The following PCCA variants were observed in gnomAD, a reference collection of about 807,000 sequenced individuals.
PCCA encodes propionyl-CoA carboxylase subunit alpha.
In PCCA, 74 loss-of-function variants were observed where a neutral mutation model predicts 101.3. The ratio of observed to expected loss-of-function variants is 0.73; its 90% CI spans 0.61 to 0.89. The LOEUF is 0.89. Among genes scored for constraint, PCCA ranks in the 40% least tolerant of loss-of-function variants. PCCA has a pLI of 0.00. For synonymous variants in PCCA, 294 were observed against 313.6 expected (o/e 0.94, Z 0.66); for missense variants, 891 against 907.0 (o/e 0.98, Z 0.23).
chr13:100,418,011 C>T (rs373286213), intron 19 of PCCA, among the ~76,000 whole-genome samples: 60 of 152,290 alleles, frequency 3.9e-4, no homozygotes, highest in African/African-American at 1.3e-3. Flanking sequence ...TCTCCCTGCA[C>T]GTGAAGACCA....
intron 19 of PCCA, among the ~76,000 whole-genome samples, chr13:100,380,044 C>G (rs938228765): frequency 4.6e-5 from 7 of 152,016 alleles, no homozygotes; most frequent in African/African-American, 1.7e-4. Flanking sequence ...CACACACACA[C>G]ACACACACAG....
rs2053984232 is a variant in PCCA at position 100,157,320 on chromosome 13, A to G, written c.448A>G (p.Lys150Glu). 6.2e-7 allele frequency: 1 copy of G among 1,611,528 alleles called. No individual in the cohort carries two copies. The highest frequency in any genetic ancestry group is 8.5e-7 in the Non-Finnish European group (1 of 1,177,836). Residue 150 changes from lysine to glutamate, a missense_variant, in exon 6 of 24, where the codon AAA becomes GAA. Transcript: ENST00000376285. Reference sequence around the variant, plus strand: ...AGGTTATGGATTCCTTTCAGAAAACAAAGAATTTGCCAGATGTTTGGTAAG... The same window carrying G: ...AGGTTATGGATTCCTTTCAGAAAACGAAGAATTTGCCAGATGTTTGGTAAG... Reference protein sequence around the residue: ...HPGYGFLSENKEFARCLAAED... With the variant: ...HPGYGFLSENEEFARCLAAED...
intron 21 of PCCA, 27 bp downstream of exon 21, chr13:100,449,332 CTTAAT>C: frequency 7.2e-7 from 1 of 1,380,688 alleles, no homozygotes; most frequent in Non-Finnish European, 1.0e-6. Flanking sequence ...TCTTTATTCT[CTTAAT>C]TTACAGAGAA....
At chr13:100,405,408 A>G (rs1020507160) in intron 19 of PCCA, among the ~76,000 whole-genome samples, 1 of 152,200 alleles carries the variant, frequency 6.6e-6, no homozygotes, top group Non-Finnish European at 1.5e-5. Flanking sequence ...CTTAAAAACA[A>G]CTAGTGAGTT....
chr13:100,529,485 A>C (rs2088183382), intron 23 of PCCA, among the ~76,000 whole-genome samples: 2 of 152,102 alleles, frequency 1.3e-5, no homozygotes, highest in South Asian at 2.1e-4. Context: ...GGAAAGCAAA[A>C]CTTGATAAAG....
chr13:100,377,641 C>T (rs2075997723), intron 19 of PCCA, among the ~76,000 whole-genome samples: 1 of 151,986 alleles, frequency 6.6e-6, no homozygotes, highest in Non-Finnish European at 1.5e-5. Context: ...ACTACAGGCG[C>T]CTGCCACCAC....
rs915782233 is a variant in PCCA at position 100,133,287 on chromosome 13, C to T, written c.300+21226C>T. Among the ~76,000 whole-genome samples the T allele has an allele frequency of 4.6e-5, 7 of 152,170 alleles. No homozygotes were observed. In the East Asian group the frequency reaches 5.8e-4, roughly 13 times the overall value. On this transcript the variant is annotated intron_variant, in intron 4 of 23. Transcript: ENST00000376285. ...AGTTTAGAGTGTTCTTTATGTATTC[C>T]GAATACAGGTCCTTTGTTGGATGTA...
rs1341582841 is a variant in PCCA, at chr13:100,178,668, G to A, written c.468+21328G>A. On this transcript the variant is annotated intron_variant, in intron 6 of 23. Coordinates refer to ENST00000376285, the MANE Select transcript of PCCA (RefSeq NM_000282.4). ...GATTTTATTTGCGGAGGGTGGGGAC[G>A]GAGATACAGAATTACTGTTTTCTGT... 2.6e-5 allele frequency among the ~76,000 whole-genome samples: 4 copies of A among 152,084 alleles called. No homozygotes were observed. In the East Asian group the frequency reaches 5.8e-4, roughly 22 times the overall value.
chr13:100,367,831 G>A (rs1306123096), intron 18 of PCCA, among the ~76,000 whole-genome samples: 1 of 151,428 alleles, frequency 6.6e-6, no homozygotes, highest in African/African-American at 2.4e-5. Flanking sequence ...GGTGGTGGGC[G>A]CCTGTAATCC....
chr13:100,419,045 C>A (rs531862107), intron 19 of PCCA, among the ~76,000 whole-genome samples: 1 of 151,176 alleles, frequency 6.6e-6, no homozygotes, highest in Non-Finnish European at 1.5e-5. Context: ...GATATTCCTT[C>A]TAGAATATTC....
chr13:100,383,346 G>T (rs1413715967), intron 19 of PCCA, among the ~76,000 whole-genome samples: 1 of 151,856 alleles, frequency 6.6e-6, no homozygotes, highest in Non-Finnish European at 1.5e-5. Context: ...TAAGATTTGA[G>T]ACTGGGTGCG....
chr13:100,317,270 A>T (rs966693619), intron 16 of PCCA, among the ~76,000 whole-genome samples: 1 of 151,972 alleles, frequency 6.6e-6, no homozygotes, highest in African/African-American at 2.4e-5. Context: ...AACTTTATTT[A>T]TTTATTGTAA....
chr13:100,500,131 CCT>C lies in PCCA; in HGVS notation c.1900-15295_1900-15294del, dbSNP rs572269665. Reference sequence around the variant, plus strand: ...ACAATTGTGGCTCAGTCCATTTTCCCCTGAGACTGTCTTCAGATTGAGGCGAT... The same window carrying C: ...ACAATTGTGGCTCAGTCCATTTTCCCGAGACTGTCTTCAGATTGAGGCGAT... On this transcript the variant is annotated intron_variant, in intron 21 of 23. Coordinates refer to ENST00000376285, the MANE Select transcript of PCCA (RefSeq NM_000282.4). 1.2e-3 allele frequency among the ~76,000 whole-genome samples: 176 copies of C among 152,254 alleles called. 1 individual carries two copies. Among genetic ancestry groups the C allele is most frequent in the South Asian group, 9.8e-3 (47 of 4,818 alleles).
chr13:100,389,503 CA>C (rs1255927584), intron 19 of PCCA, among the ~76,000 whole-genome samples: 4 of 151,990 alleles, frequency 2.6e-5, no homozygotes, highest in Non-Finnish European at 5.9e-5. Context: ...GGGAGAAGAT[CA>C]GGAAAAATAA....
intron 11 of PCCA, among the ~76,000 whole-genome samples, chr13:100,269,354 G>T (rs1026399552): frequency 1.3e-5 from 2 of 152,184 alleles, no homozygotes; most frequent in Admixed American, 1.3e-4. Context: ...ACTTCTGCAG[G>T]CTTCTAGGAA....
intron 16 of PCCA, among the ~76,000 whole-genome samples, chr13:100,310,347 A>G (rs959023678): frequency 6.6e-6 from 1 of 152,188 alleles, no homozygotes; most frequent in African/African-American, 2.4e-5. Flanking sequence ...AAGTATTTGT[A>G]AGCACATTCT....
At chr13:100,375,959 T>G (rs2152821552) in intron 19 of PCCA, among the ~76,000 whole-genome samples, 1 of 152,346 alleles carries the variant, frequency 6.6e-6, no homozygotes, top group Non-Finnish European at 1.5e-5. Flanking sequence ...GCACTGGTTT[T>G]TCCTCATCTT....
At chr13:100,452,453 G>A (rs1016735314) in intron 21 of PCCA, among the ~76,000 whole-genome samples, 56 of 152,070 alleles carry the variant, frequency 3.7e-4, no homozygotes, top group Non-Finnish European at 4.4e-5. Flanking sequence ...GACCTGCTGG[G>A]CACATGCCTT....
intron 4 of PCCA, chr13:100,151,071 C>G: frequency 2.6e-6 from 4 of 1,545,646 alleles, no homozygotes; most frequent in Non-Finnish European, 3.6e-6. Context: ...CTCCGTAGCT[C>G]CTGGATGTAC....
Sources: gnomAD v4.1 joint callset for allele counts (sites outside exome capture counted in the v4.1 genomes callset) on GRCh38, gnomAD v4.1.1 for gene constraint, MANE v1.5 for transcripts, NCBI Gene and HGNC (gene_info 2026-07-23, HGNC 2026-07-21) for gene names.